ASTN2: variants seen among roughly 807,000 people sequenced by gnomAD.
The protein encoded by ASTN2 is astrotactin-2.
ASTN2 carries 54 observed loss-of-function variants against 139.8 expected under a neutral mutation model. That is an observed-to-expected ratio of 0.39 (90% confidence interval 0.31 to 0.48). The LOEUF (loss-of-function observed/expected upper bound fraction) is 0.48, where lower values mean the gene tolerates loss of function less well. Among genes scored for constraint, ASTN2 ranks in the 20% least tolerant of loss-of-function variants. The probability of loss-of-function intolerance (pLI) is 0.95; values close to 1 mark genes in which losing one functional copy is unlikely to be tolerated. For missense variants in ASTN2, 1,565 were observed against 1,725.1 expected, an observed-to-expected ratio of 0.91 and a Z score of 1.64; for synonymous variants, 756 against 719.5, an observed-to-expected ratio of 1.05 and a Z score of -0.81.
intron 4 of ASTN2, among the ~76,000 whole-genome samples, chr9:117,113,610 C>T (rs558307778): frequency 2.0e-4 from 31 of 151,994 alleles, no homozygotes; most frequent in Non-Finnish European, 3.7e-4. Context: ...GAGCCGAGAT[C>T]GCACCATTGC....
chr9:117,097,839 A>G (rs1828876510), intron 4 of ASTN2, among the ~76,000 whole-genome samples: 1 of 152,228 alleles, frequency 6.6e-6, no homozygotes, highest in South Asian at 2.1e-4. Flanking sequence ...CTACTTGCAG[A>G]CACTTTTTCT....
At chr9:117,118,533 C>T (rs12684134) in intron 4 of ASTN2, among the ~76,000 whole-genome samples, 9,287 of 152,236 alleles carry the variant, frequency 0.061, 599 homozygotes, top group East Asian at 0.18. Flanking sequence ...CAGGCTTCTA[C>T]ATTTATATTC....
chr9:116,881,449 G>A (rs967429709), intron 10 of ASTN2, among the ~76,000 whole-genome samples: 2 of 152,194 alleles, frequency 1.3e-5, no homozygotes, highest in Non-Finnish European at 2.9e-5. Flanking sequence ...CTCACTGTGT[G>A]ACCTCTTGAA....
intron 10 of ASTN2, among the ~76,000 whole-genome samples, chr9:116,934,356 T>G (rs1835004797): frequency 6.6e-6 from 1 of 152,082 alleles, no homozygotes; most frequent in Non-Finnish European, 1.5e-5. Context: ...CAAAACACTT[T>G]GCAATTAACA....
chr9:116,527,257 G>A (rs535640887), intron 19 of ASTN2, among the ~76,000 whole-genome samples: 2 of 152,178 alleles, frequency 1.3e-5, no homozygotes, highest in South Asian at 4.1e-4. Flanking sequence ...CAGAATGAGA[G>A]AATATATTTG....
In ASTN2 at chr9:116,725,900, G is replaced by A. The variant is rs781134244; in HGVS notation, c.2677C>T (p.Leu893=). The change falls in exon 16 of 23, where the codon CTG becomes TTG. Residue 893 remains leucine (L), a synonymous_variant. Transcript: ENST00000313400. ...CCATAGTGCTGGATGAAGGACAGCAGCTCCTCCCGACTGCTCTCCTTGGTC... is the reference window on the plus strand; with the variant it reads ...CCATAGTGCTGGATGAAGGACAGCAACTCCTCCCGACTGCTCTCCTTGGTC... The part of the protein sequence containing the change: ...ILTKESSREE[L]LSFIQHYGSH... The A allele has an allele frequency of 2.5e-6, 4 of 1,613,980 alleles. No individual in the cohort carries two copies. Among genetic ancestry groups the A allele is most frequent in the Non-Finnish European group, 3.4e-6 (4 of 1,179,996 alleles).
intron 17 of ASTN2, among the ~76,000 whole-genome samples, chr9:116,650,030 A>G (rs1857821691): frequency 6.6e-6 from 1 of 152,072 alleles, no homozygotes; most frequent in Admixed American, 6.6e-5. Flanking sequence ...TCTTTCCTCT[A>G]TGAAGCTCTG....
chr9:116,488,847 C>T (rs1420859611), intron 19 of ASTN2, among the ~76,000 whole-genome samples: 1 of 152,120 alleles, frequency 6.6e-6, no homozygotes, highest in Non-Finnish European at 1.5e-5. Flanking sequence ...ACATATATTG[C>T]TTTTGTAACC....
intron 17 of ASTN2, among the ~76,000 whole-genome samples, chr9:116,621,439 ACG>A (rs1479771315): frequency 8.5e-6 from 1 of 118,278 alleles, no homozygotes; most frequent in Non-Finnish European, 1.8e-5. Flanking sequence ...ACACACATGC[ACG>A]CACACACACA....
At chr9:117,245,927 G>A (rs1160245006) in intron 2 of ASTN2, among the ~76,000 whole-genome samples, 1 of 152,084 alleles carries the variant, frequency 6.6e-6, no homozygotes, top group Non-Finnish European at 1.5e-5. Flanking sequence ...TGTGTTTCAT[G>A]TATTTTAATG....
intron 10 of ASTN2, among the ~76,000 whole-genome samples, chr9:116,968,829 G>T (rs1226819666): frequency 6.6e-6 from 1 of 151,374 alleles, no homozygotes; most frequent in Non-Finnish European, 1.5e-5. Context: ...AGCTTGGGAG[G>T]TGGAGGTTGC....
At chr9:116,981,617 C>T (rs1366118032) in intron 7 of ASTN2, among the ~76,000 whole-genome samples, 2 of 152,174 alleles carry the variant, frequency 1.3e-5, no homozygotes, top group African/African-American at 2.4e-5. Context: ...GGCTCTTGGC[C>T]ACCACTTCAG....
At chr9:117,191,621 A>T (rs960603487) in intron 3 of ASTN2, among the ~76,000 whole-genome samples, 36 of 152,312 alleles carry the variant, frequency 2.4e-4, no homozygotes, top group African/African-American at 7.9e-4. Flanking sequence ...TGTCAGAGGC[A>T]TTGAGGTTGA....
chr9:116,702,094 A>G (rs1334708497), intron 16 of ASTN2, among the ~76,000 whole-genome samples: 1 of 152,056 alleles, frequency 6.6e-6, no homozygotes, highest in African/African-American at 2.4e-5. Flanking sequence ...TTTTCTGAAA[A>G]CCACTGAACT....
At chr9:116,807,160 T>C (rs1326163519) in intron 12 of ASTN2, among the ~76,000 whole-genome samples, 1 of 152,186 alleles carries the variant, frequency 6.6e-6, no homozygotes, top group African/African-American at 2.4e-5. Flanking sequence ...ATTTGCCTTT[T>C]TTCAAAGGGT....
intron 20 of ASTN2, among the ~76,000 whole-genome samples, chr9:116,456,395 G>C (rs1028934278): frequency 8.6e-5 from 13 of 152,046 alleles, no homozygotes; most frequent in African/African-American, 2.9e-4. Flanking sequence ...TTCATGGATT[G>C]AAAGAATAAA....
intron 6 of ASTN2, among the ~76,000 whole-genome samples, chr9:117,016,642 A>AACC (rs1259201416): frequency 9.0e-4 from 19 of 21,028 alleles, no homozygotes; most frequent in South Asian, 1.4e-3. Flanking sequence ...ATATATATAT[A>AACC]TATATATATA....
intron 11 of ASTN2, among the ~76,000 whole-genome samples, chr9:116,847,961 A>G (rs1656579905): frequency 1.3e-5 from 2 of 152,232 alleles, no homozygotes; most frequent in African/African-American, 4.8e-5. Context: ...TCAGGTCTGC[A>G]CTGCTACAAA....
chr9:116,786,196 A>G (rs1039631800), intron 13 of ASTN2, among the ~76,000 whole-genome samples: 11 of 152,240 alleles, frequency 7.2e-5, no homozygotes, highest in Admixed American at 3.9e-4. Flanking sequence ...TCAGATCTTT[A>G]TACAAACGTC....
Sources: allele counts gnomAD v4.1 joint callset (sites outside exome capture counted in the v4.1 genomes callset), GRCh38; gene constraint gnomAD v4.1.1; transcripts MANE v1.5; gene names NCBI Gene and HGNC (gene_info 2026-07-23, HGNC 2026-07-21).